Variants in TSHZ2 observed in about 807,000 individuals in gnomAD.
TSHZ2 encodes teashirt zinc finger homeobox 2.
TSHZ2 carries 21 observed loss-of-function variants against 74.4 expected under a neutral mutation model. The observed-to-expected ratio is 0.28, with a 90% confidence interval of 0.20 to 0.41. TSHZ2 has a LOEUF of 0.41. Ranked by LOEUF, TSHZ2 falls within the 10% of genes least tolerant of loss-of-function variation. The pLI, the probability that TSHZ2 is intolerant of heterozygous loss-of-function variation, is 1.00. For missense variants in TSHZ2, 1,244 were observed against 1,293.5 expected, an observed-to-expected ratio of 0.96 and a Z score of 0.59; for synonymous variants, 540 against 515.3, an observed-to-expected ratio of 1.05 and a Z score of -0.65.
At chr20:53,055,045 A>G (rs1390287002) in intron 1 of TSHZ2, among the ~76,000 whole-genome samples, 7 of 152,306 alleles carry the variant, frequency 4.6e-5, no homozygotes, top group African/African-American at 1.7e-4. Context: ...AACTAACCGA[A>G]CAACACTAAT....
At chr20:53,296,550 C>T (rs775383457) in intron 2 of TSHZ2, among the ~76,000 whole-genome samples, 1 of 152,140 alleles carries the variant, frequency 6.6e-6, no homozygotes, top group African/African-American at 2.4e-5. Context: ...CATCTCAAGC[C>T]CTTTCACTCC....
At chr20:53,211,509 TAAA>T (rs5841934) in intron 1 of TSHZ2, among the ~76,000 whole-genome samples, 7 of 141,122 alleles carry the variant, frequency 5.0e-5, no homozygotes, top group South Asian at 2.2e-4. Flanking sequence ...TTGCCTGAAA[TAAA>T]AAAAAAAAAG....
intron 1 of TSHZ2, among the ~76,000 whole-genome samples, chr20:52,980,763 TGGG>T (rs1568702383): frequency 2.1e-4 from 32 of 152,172 alleles, no homozygotes. Context: ...CCTTGTGACA[TGGG>T]AGATACAAAA....
At chr20:53,472,186 G>A (rs1985827666) in intron 2 of TSHZ2, among the ~76,000 whole-genome samples, 2 of 152,196 alleles carry the variant, frequency 1.3e-5, no homozygotes, top group African/African-American at 4.8e-5. Flanking sequence ...TTGCTATATG[G>A]AAAGTTATCA....
At position 53,197,566 on chromosome 20, in the gene TSHZ2, A is replaced by G. The variant is rs374905596; in HGVS notation, c.41-55933A>G. 7.9e-5 allele frequency among the ~76,000 whole-genome samples: 12 copies of G among 152,250 alleles called. No individual in the cohort carries two copies. In the South Asian group the frequency reaches 1.0e-3, roughly 13 times the overall value. On this transcript the variant is annotated intron_variant, in intron 1 of 2. Transcript: ENST00000371497. ...ATTCACACTGTGGGAAATGGCCCTA[A>G]TTTTCCCAACCTTCAGTTGCCATCA...
At chr20:53,053,537 G>A (rs986672732) in intron 1 of TSHZ2, among the ~76,000 whole-genome samples, 3 of 151,196 alleles carry the variant, frequency 2.0e-5, no homozygotes, top group African/African-American at 7.3e-5. Context: ...AAAGAAAACT[G>A]CTTCCATTTG....
intron 1 of TSHZ2, among the ~76,000 whole-genome samples, chr20:53,044,900 C>CG (rs1984171856): frequency 6.6e-6 from 1 of 151,996 alleles, no homozygotes; most frequent in South Asian, 2.1e-4. Flanking sequence ...TTTGTAGAAA[C>CG]GGGGTCTCAC....
chr20:53,164,135 ATTTT>A (rs550295899), intron 1 of TSHZ2, among the ~76,000 whole-genome samples: 5 of 147,920 alleles, frequency 3.4e-5, no homozygotes, highest in Non-Finnish European at 7.5e-5. Flanking sequence ...TAGAGCTTCT[ATTTT>A]TTTTTTAGCT....
At chr20:52,987,553 C>T (rs567820316) in intron 1 of TSHZ2, among the ~76,000 whole-genome samples, 1 of 151,550 alleles carries the variant, frequency 6.6e-6, no homozygotes, top group Non-Finnish European at 1.5e-5. Flanking sequence ...CTCTCCCCTA[C>T]CCCCAAAATG....
chr20:53,359,235 A>G (rs537198816), intron 2 of TSHZ2, among the ~76,000 whole-genome samples: 3 of 152,312 alleles, frequency 2.0e-5, no homozygotes, highest in African/African-American at 7.2e-5. Context: ...ACAGACCTTC[A>G]TTCATAAAAA....
At chr20:53,472,843 G>A (rs927391048) in intron 2 of TSHZ2, among the ~76,000 whole-genome samples, 5 of 152,036 alleles carry the variant, frequency 3.3e-5, no homozygotes, top group African/African-American at 4.8e-5. Context: ...TGCCTCACTC[G>A]GGAAGCGCAA....
At chr20:53,150,057 C>A (rs575118208) in intron 1 of TSHZ2, among the ~76,000 whole-genome samples, 23 of 152,188 alleles carry the variant, frequency 1.5e-4, no homozygotes, top group African/African-American at 5.3e-4. Flanking sequence ...CCGGACACTG[C>A]GGTAAATGTT....
At chr20:53,278,164 A>G (rs1311907130) in intron 2 of TSHZ2, among the ~76,000 whole-genome samples, 1 of 152,134 alleles carries the variant, frequency 6.6e-6, no homozygotes, top group African/African-American at 2.4e-5. Flanking sequence ...CAGCTTAAAC[A>G]TCGTCTTCTT....
chr20:53,124,329 A>G (rs965482938), intron 1 of TSHZ2, among the ~76,000 whole-genome samples: 4 of 152,210 alleles, frequency 2.6e-5, no homozygotes, highest in African/African-American at 9.7e-5. Flanking sequence ...TTTAGTCCCA[A>G]TCACTTGAAT....
rs908288444 is a variant in TSHZ2 at position 53,058,851 on chromosome 20, C to G, written c.40+85518C>G. Among the ~76,000 whole-genome samples, 6 of 152,182 alleles carry G rather than the reference C, an allele frequency of 3.9e-5. 1 individual carries two copies. Among genetic ancestry groups the G allele is most frequent in the African/African-American group, 1.4e-4 (6 of 41,440 alleles). ...TGGGGAAACATGACCAGTCTGGCTG[C>G]CTTTTGTCTTGGAGATGACTTGGGT... On this transcript the variant is annotated intron_variant, in intron 1 of 2. Transcript: ENST00000371497.
intron 2 of TSHZ2, among the ~76,000 whole-genome samples, chr20:53,368,668 AATATAGGGTAAC>A (rs1430584045): frequency 1.3e-5 from 2 of 152,198 alleles, no homozygotes; most frequent in Admixed American, 6.5e-5. Context: ...AACTGATAGC[AATATAGGGTAAC>A]ATTTACACCT....
intron 2 of TSHZ2, among the ~76,000 whole-genome samples, chr20:53,317,022 AC>A (rs1979053389): frequency 6.6e-6 from 1 of 152,146 alleles, no homozygotes; most frequent in Non-Finnish European, 1.5e-5. Flanking sequence ...AGAAGCAAAT[AC>A]CCCTGAGAGC....
At chr20:53,071,484 A>C (rs566539878) in intron 1 of TSHZ2, among the ~76,000 whole-genome samples, 60 of 152,366 alleles carry the variant, frequency 3.9e-4, no homozygotes, top group Admixed American at 1.6e-3. Flanking sequence ...TAAGTTACCC[A>C]AAGAGTCAAA....
At chr20:53,337,755 C>G (rs1299288267) in intron 2 of TSHZ2, among the ~76,000 whole-genome samples, 1 of 152,214 alleles carries the variant, frequency 6.6e-6, no homozygotes, top group Non-Finnish European at 1.5e-5. Context: ...GCAGCTGAAA[C>G]TGCTTTTTGA....
Sources: gnomAD v4.1 joint callset for allele counts (sites outside exome capture counted in the v4.1 genomes callset) on GRCh38, gnomAD v4.1.1 for gene constraint, MANE v1.5 for transcripts, NCBI Gene and HGNC (gene_info 2026-07-23, HGNC 2026-07-21) for gene names.